The following RPL31 variants were observed in gnomAD, a reference collection of about 807,000 sequenced individuals.
The protein encoded by RPL31 is large ribosomal subunit protein eL31.
For missense variants in RPL31, 95 were observed against 164.0 expected, an observed-to-expected ratio of 0.58 and a Z score of 2.30; for synonymous variants, 51 against 55.0, an observed-to-expected ratio of 0.93 and a Z score of 0.32.
At chr2:101,011,447 G>GTGCCATTGGGTT, downstream of RPL31, 1 of 1,613,808 alleles carries the variant, frequency 6.2e-7, no homozygotes, top group South Asian at 1.1e-5. Context: ...AAAGAGGTAC[G>GTGCCATTGGGTT]TGCCATTGGG....
exon 5 of RPL31, chr2:101,019,020 A>C (rs373067797): frequency 3.1e-6 from 5 of 1,612,384 alleles, no homozygotes; most frequent in Non-Finnish European, 4.2e-6. Flanking sequence ...ACAGTGTTAC[A>C]GTCGCCAAGA....
chr2:101,019,503 T>G (rs1156240137), exon 5 of RPL31: 1 of 153,132 alleles, frequency 6.5e-6, no homozygotes, highest in Non-Finnish European at 1.5e-5. Flanking sequence ...CTCTAGCTTT[T>G]TTGTCGTTTT....
downstream of RPL31, among the ~76,000 whole-genome samples, chr2:101,009,971 G>C (rs372380757): frequency 6.6e-6 from 1 of 151,742 alleles, no homozygotes; most frequent in Non-Finnish European, 1.5e-5. Flanking sequence ...ACAGGCGCCC[G>C]CCACCACGTC....
chr2:101,019,051 T>A, exon 5 of RPL31: 2 of 1,609,560 alleles, frequency 1.2e-6, no homozygotes, highest in Non-Finnish European at 1.7e-6. Context: ...GGAGCCCTCC[T>A]GGAAGTGGAT....
At chr2:101,016,273 A>C (rs1464025544) in intron 4 of RPL31, among the ~76,000 whole-genome samples, 1 of 152,234 alleles carries the variant, frequency 6.6e-6, no homozygotes, top group African/African-American at 2.4e-5. Flanking sequence ...GGATATGAAC[A>C]GACACTTCTC....
intron 4 of RPL31, among the ~76,000 whole-genome samples, chr2:101,012,866 CCTTA>C (rs1222191349): frequency 6.6e-6 from 1 of 152,128 alleles, no homozygotes; most frequent in African/African-American, 2.4e-5. Flanking sequence ...GGAAAGCTAC[CCTTA>C]CTTTTTCCAA....
chr2:101,007,878 G>GAGAT (rs754892119), downstream of RPL31: 1 of 1,613,608 alleles, frequency 6.2e-7, no homozygotes, highest in Non-Finnish European at 8.5e-7. Context: ...CAAAAGTTTT[G>GAGAT]AGATTGTACT....
At chr2:101,008,625 C>T (rs1678932902), downstream of RPL31, among the ~76,000 whole-genome samples, 1 of 151,786 alleles carries the variant, frequency 6.6e-6, no homozygotes, top group Admixed American at 6.6e-5. Flanking sequence ...CCAGCCCAAT[C>T]AACATGGAGA....
downstream of RPL31, chr2:101,011,278 C>G (rs1001344887): frequency 1.4e-6 from 1 of 734,158 alleles, no homozygotes; most frequent in Non-Finnish European, 2.2e-6. Context: ...AGCCACCCAG[C>G]AACACCCCCA....
At chr2:101,008,403 GTC>G, downstream of RPL31, 1 of 752,146 alleles carries the variant, frequency 1.3e-6, no homozygotes, top group Non-Finnish European at 2.0e-6. Flanking sequence ...AGAAAAGGTA[GTC>G]TCTGCCTTTC....
chr2:101,003,352 C>T (rs370335979), intron 2 of RPL31, among the ~76,000 whole-genome samples: 3 of 152,146 alleles, frequency 2.0e-5, no homozygotes, highest in African/African-American at 7.2e-5. Context: ...CTTGCTCTGT[C>T]TCCAGCCTGG....
chr2:101,002,627 G>T, intron 1 of RPL31, 75 bp from the exon 2 acceptor site: 1 of 1,242,038 alleles, frequency 8.1e-7, no homozygotes, highest in Non-Finnish European at 1.2e-6. Flanking sequence ...GAGAGTGACA[G>T]CGTGAGGCTG....
At chr2:101,016,912 TGG>T (rs1679688222) in intron 4 of RPL31, among the ~76,000 whole-genome samples, 2 of 142,402 alleles carry the variant, frequency 1.4e-5, no homozygotes, top group African/African-American at 5.3e-5. Context: ...CATCACACTC[TGG>T]GGACTGGTGT....
chr2:101,010,497 A>G (rs1448838053), downstream of RPL31, among the ~76,000 whole-genome samples: 4 of 152,184 alleles, frequency 2.6e-5, no homozygotes. Flanking sequence ...ATCACAATTT[A>G]GTATTTCCAA....
downstream of RPL31, among the ~76,000 whole-genome samples, chr2:101,008,425 C>G (rs184637641): frequency 2.0e-5 from 3 of 152,248 alleles, no homozygotes; most frequent in Admixed American, 1.3e-4. Context: ...CCACTCTAAA[C>G]TATTAACAGT....
chr2:101,004,591 T>A, intron 3 of RPL31: 1 of 389,922 alleles, frequency 2.6e-6, no homozygotes. Flanking sequence ...TAAATCACTG[T>A]GAGCCCAGTG....
intron 3 of RPL31, chr2:101,005,117 C>T (rs1678672981): frequency 6.6e-6 from 1 of 152,158 alleles, no homozygotes; most frequent in Admixed American, 6.6e-5. Context: ...CGATGCCTGC[C>T]TTGGGATAAG....
chr2:101,009,962 C>A (rs905451480), downstream of RPL31, among the ~76,000 whole-genome samples: 1 of 151,846 alleles, frequency 6.6e-6, no homozygotes, highest in Non-Finnish European at 1.5e-5. Flanking sequence ...GCTGGGACTA[C>A]AGGCGCCCGC....
chr2:101,009,821 C>CATTTTTTTTTTTT (rs144990163), downstream of RPL31, among the ~76,000 whole-genome samples: 2 of 134,192 alleles, frequency 1.5e-5, 1 homozygote, highest in Non-Finnish European at 3.3e-5. Flanking sequence ...AAAAAAGGAG[C>CATTTTTTTTTTTT]TTTTTCTTTT....
Sources: allele counts gnomAD v4.1 joint callset (sites outside exome capture counted in the v4.1 genomes callset), GRCh38; gene constraint gnomAD v4.1.1; transcripts MANE v1.5; gene names NCBI Gene and HGNC (gene_info 2026-07-23, HGNC 2026-07-21).